Variants in SPATA22 observed in about 807,000 individuals in gnomAD.
SPATA22 encodes spermatogenesis-associated protein 22.
Under a neutral mutation model 47.8 loss-of-function variants are expected in SPATA22, and 29 were observed. That is an observed-to-expected ratio of 0.61 (90% confidence interval 0.45 to 0.83). The LOEUF (loss-of-function observed/expected upper bound fraction) is 0.83, where lower values mean the gene tolerates loss of function less well. SPATA22 is among the 40% of genes least tolerant of loss of function. SPATA22 has a pLI of 0.00. For synonymous variants in SPATA22, 133 were observed against 140.9 expected, an observed-to-expected ratio of 0.94 and a Z score of 0.40; for missense variants, 410 against 421.7, an observed-to-expected ratio of 0.97 and a Z score of 0.24.
rs1178967302 is a variant in SPATA22 at position 3,471,796 on chromosome 17, G to A, written c.-188C>T. 27 of 985,370 alleles carry A rather than the reference G, an allele frequency of 2.7e-5. No individual in the cohort carries two copies. The highest frequency in any genetic ancestry group is 6.1e-5 in the Admixed American group (1 of 16,270). The allele number at this position is 985,370 out of a possible 1,614,324, so 61.0% of individuals were successfully genotyped here. On this transcript the variant is annotated 5_prime_UTR_variant, in exon 1 of 9. Coordinates refer to ENST00000572969, the MANE Select transcript of SPATA22 (RefSeq NM_001170698.2). ...CCCGTCAGCAACCGCCGCCCTTCCC[G>A]CCCGCGAAGAAAGCGCGGGAATCAG...
rs779059023 is a variant in SPATA22 at position 3,443,232 on chromosome 17, G to C, written c.842C>G (p.Ser281Trp). The C allele has an allele frequency of 1.2e-6, 2 of 1,610,512 alleles. No homozygotes were observed. The highest frequency in any genetic ancestry group is 1.7e-6 in the Non-Finnish European group (2 of 1,178,130). Residue 281 changes from serine to tryptophan, a missense_variant, in exon 8 of 9, where the codon TCG becomes TGG. By Grantham distance (177) the Ser-to-Trp change is radical. Coordinates refer to ENST00000572969, the MANE Select transcript of SPATA22 (RefSeq NM_001170698.2). ...CCCATCCCTCATAAGAAAAGTCTTC[G>C]AATAATATGGGCCAGGTGTAACAGC... Reference protein sequence around the residue: ...DSAVTPGPYYSKTFLMRDGKN... With the variant: ...DSAVTPGPYYWKTFLMRDGKN...
intron 8 of SPATA22, chr17:3,441,895 TA>T (rs1173515215): frequency 1.3e-5 from 2 of 152,126 alleles, no homozygotes; most frequent in East Asian, 3.9e-4. Context: ...ATCACATATT[TA>T]AAAAGACATA....
chr17:3,491,539 G>C (rs146488012), intron 1 of SPATA22, among the ~76,000 whole-genome samples: 105 of 152,246 alleles, frequency 6.9e-4, no homozygotes, highest in Middle Eastern at 3.4e-3. Context: ...TTGAGGTCAG[G>C]AGTTCAAGAC....
chr17:3,493,126 A>G (rs2073851856), intron 1 of SPATA22, among the ~76,000 whole-genome samples: 3 of 152,202 alleles, frequency 2.0e-5, no homozygotes, highest in Admixed American at 1.3e-4. Flanking sequence ...AGCCTGGTAT[A>G]TGCATAAACT....
chr17:3,513,482 A>G (rs2074141063), exon 1 of SPATA22: 1 of 162,496 alleles, frequency 6.2e-6, no homozygotes, highest in Non-Finnish European at 1.4e-5. Flanking sequence ...GTCACAGCAG[A>G]AGAGATGGTA....
intron 1 of SPATA22, among the ~76,000 whole-genome samples, chr17:3,479,088 T>C (rs1187633894): frequency 6.6e-6 from 1 of 152,220 alleles, no homozygotes; most frequent in Non-Finnish European, 1.5e-5. Context: ...ATGCAAATCT[T>C]ATCATGTCTC....
At chr17:3,443,608 CAT>C (rs2072646290) in intron 7 of SPATA22, among the ~76,000 whole-genome samples, 1 of 151,878 alleles carries the variant, frequency 6.6e-6, no homozygotes, top group South Asian at 2.1e-4. Flanking sequence ...ATAAAATGCA[CAT>C]GTGTAACAAA....
At chr17:3,463,076 T>G (rs1425778470) in intron 3 of SPATA22, among the ~76,000 whole-genome samples, 2 of 152,200 alleles carry the variant, frequency 1.3e-5, no homozygotes, top group African/African-American at 4.8e-5. Context: ...TACTGAACTT[T>G]TAAAATCTCA....
intron 1 of SPATA22, among the ~76,000 whole-genome samples, chr17:3,506,217 A>T (rs990385571): frequency 6.6e-6 from 1 of 152,142 alleles, no homozygotes; most frequent in South Asian, 2.1e-4. Flanking sequence ...CAAGCCGATG[A>T]CTGAGAGGGT....
chr17:3,512,056 CA>C (rs1452441235), intron 1 of SPATA22: 1 of 152,228 alleles, frequency 6.6e-6, no homozygotes, highest in Non-Finnish European at 1.5e-5. Flanking sequence ...CCATTTTCAA[CA>C]ACATTCCTCA....
intron 1 of SPATA22, among the ~76,000 whole-genome samples, chr17:3,496,549 C>G (rs1040209817): frequency 3.3e-5 from 5 of 152,088 alleles, no homozygotes; most frequent in African/African-American, 7.2e-5. Context: ...GACCCATATC[C>G]CTGGAGAGGA....
chr17:3,441,712 A>C (rs911992518), intron 8 of SPATA22: 3 of 152,110 alleles, frequency 2.0e-5, no homozygotes, highest in Non-Finnish European at 4.4e-5. Context: ...GAATGTTCAT[A>C]GAACATTATG....
intron 3 of SPATA22, among the ~76,000 whole-genome samples, chr17:3,463,702 T>C (rs975430414): frequency 1.3e-5 from 2 of 152,158 alleles, no homozygotes; most frequent in Non-Finnish European, 2.9e-5. Context: ...ACAGCTACTA[T>C]GTCACCAGGA....
In SPATA22 at chr17:3,467,515, T is replaced by A. The variant is rs768853480; in HGVS notation, c.83A>T (p.Asn28Ile). 1.9e-6 allele frequency: 3 copies of A among 1,609,748 alleles called. No homozygotes were observed. In the Admixed American group the frequency reaches 5.0e-5, roughly 27 times the overall value. Reference protein sequence around the residue: ...PVPLFNQKKRNRQPLTSNPLK... With the variant: ...PVPLFNQKKRIRQPLTSNPLK... ...TGGATTAGAAGTTAATGGCTGTCTG[T>A]TCCTCTTTTTCTGATTGAACAACGG... is the stretch of plus-strand genomic sequence containing the variant. Residue 28 changes from asparagine (N) to isoleucine (I), a missense_variant, in exon 3 of 9, where the codon AAC (asparagine) becomes ATC (isoleucine). Asn to Ile is a moderately radical substitution (Grantham distance 149). Transcript: ENST00000572969.
intron 1 of SPATA22, 61 bp from the exon 2 acceptor site, chr17:3,469,459 A>G: frequency 1.6e-6 from 1 of 637,762 alleles, no homozygotes. Context: ...TCCTCAGCCC[A>G]GTGATTACTG....
chr17:3,483,721 G>A lies in SPATA22; in HGVS notation c.-73-14323C>T, dbSNP rs117157214. 39,075 of 868,730 alleles carry A rather than the reference G, an allele frequency of 0.045. 1,459 individuals are homozygous for A. Among genetic ancestry groups the A allele is most frequent in the Admixed American group, 0.15 (7,377 of 49,520 alleles). The allele number at this position is 868,730 out of a possible 1,614,324, so 53.8% of individuals were successfully genotyped here. On this transcript the variant is annotated intron_variant, in intron 1 of 8. Transcript: ENST00000541913. ...TCTGTCACCCAGGCTGGAGTCCGAT[G>A]GTGTGATCTCAGCTCACTGCAACCT...
intron 3 of SPATA22, among the ~76,000 whole-genome samples, chr17:3,463,909 T>TCCTCTCCCTCTCCCTCTCCCTCTC (rs372677703): frequency 8.9e-5 from 8 of 89,842 alleles, no homozygotes; most frequent in South Asian, 4.3e-4. Flanking sequence ...AAAACACTGA[T>TCCTCTCCCTCTCCCTCTCCCTCTC]CCTCTCCCTC....
chr17:3,504,560 T>C (rs34307630), intron 1 of SPATA22, among the ~76,000 whole-genome samples: 211 of 20,154 alleles, frequency 0.01, 4 homozygotes, highest in Middle Eastern at 0.026. Flanking sequence ...TTTTCTTTTT[T>C]TTTTTTTTTT....
rs185711862 is a variant in SPATA22 at position 3,468,924 on chromosome 17, T to C, written c.43+359A>G. The C allele has an allele frequency of 5.8e-4, 489 of 844,350 alleles. 2 individuals carry two copies. In the African/African-American group the frequency reaches 8.2e-3, roughly 14 times the overall value. 52.3% of individuals were successfully genotyped at this position (844,350 alleles called of 1,614,324 possible). ...TAATAAATTGGGAAAGCAAAAATGA[T>C]AGGAGAAGCTATTAGAAAGACAGAA... On this transcript the variant is annotated intron_variant, in intron 2 of 8. Transcript: ENST00000572969.
Sources: gnomAD v4.1 joint callset for allele counts (sites outside exome capture counted in the v4.1 genomes callset) on GRCh38, gnomAD v4.1.1 for gene constraint, MANE v1.5 for transcripts, NCBI Gene and HGNC (gene_info 2026-07-23, HGNC 2026-07-21) for gene names.